The following LINGO2 variants were observed in gnomAD, a reference collection of about 807,000 sequenced individuals.
LINGO2 encodes leucine-rich repeat and immunoglobulin-like domain-containing nogo receptor-interacting protein 2.
LINGO2 carries 14 observed loss-of-function variants against 30.6 expected under a neutral mutation model. The ratio of observed to expected loss-of-function variants is 0.46; its 90% CI spans 0.30 to 0.72. The LOEUF (loss-of-function observed/expected upper bound fraction) is 0.72, where lower values mean the gene tolerates loss of function less well. Among genes scored for constraint, LINGO2 ranks in the 30% least tolerant of loss-of-function variants. The probability of loss-of-function intolerance (pLI) is 0.07; values close to 1 mark genes in which losing one functional copy is unlikely to be tolerated. For synonymous variants in LINGO2, 317 were observed against 288.5 expected (o/e 1.10, Z -1.00); for missense variants, 729 against 751.7 (o/e 0.97, Z 0.35).
At chr9:28,055,829 C>A (rs1427040351) in intron 4 of LINGO2, among the ~76,000 whole-genome samples, 2 of 152,118 alleles carry the variant, frequency 1.3e-5, no homozygotes, top group African/African-American at 4.8e-5. Context: ...AAAAAGTCTT[C>A]TTGCTTAGTC....
upstream of LINGO2, among the ~76,000 whole-genome samples, chr9:28,672,012 T>C (rs866084222): frequency 3.9e-5 from 6 of 152,154 alleles, no homozygotes; most frequent in Non-Finnish European, 7.4e-5. Flanking sequence ...TGTCTTTTGT[T>C]CGGAGGTATT....
the LINGO2 span, among the ~76,000 whole-genome samples, chr9:28,729,543 G>T: frequency 3.9e-5 from 6 of 151,938 alleles, no homozygotes; most frequent in Admixed American, 6.6e-5. Flanking sequence ...TTCATCAAAT[G>T]TCAAGAAACA....
chr9:28,577,042 G>C lies in LINGO2; in HGVS notation c.-365+93158C>G, dbSNP rs182129294. On this transcript the variant is annotated intron_variant, in intron 1 of 5. Coordinates refer to ENST00000379992, the Ensembl canonical transcript of LINGO2. ...CCAAACTGCCCCTGGTCATTCCTGGGCTTGGGCCAAGCTAACTTTGGGAGA... is the reference window on the plus strand; with the variant it reads ...CCAAACTGCCCCTGGTCATTCCTGGCCTTGGGCCAAGCTAACTTTGGGAGA... Among the ~76,000 whole-genome samples, 1,471 of 152,182 alleles carry C rather than the reference G, an allele frequency of 9.7e-3. 10 individuals are homozygous for C. The highest frequency in any genetic ancestry group is 0.013 in the Non-Finnish European group (899 of 68,018).
intron 4 of LINGO2, among the ~76,000 whole-genome samples, chr9:28,028,549 G>A (rs1823501098): frequency 6.6e-6 from 1 of 152,064 alleles, no homozygotes; most frequent in Non-Finnish European, 1.5e-5. Context: ...ATTAATGAAT[G>A]GTAGATTGAT....
chr9:28,934,831 A>G, the LINGO2 span, among the ~76,000 whole-genome samples: 2 of 152,166 alleles, frequency 1.3e-5, no homozygotes, highest in Non-Finnish European at 2.9e-5. Context: ...GGGTGATTCA[A>G]TTTCAGATTA....
rs181646877 is a variant in LINGO2 at position 28,371,818 on chromosome 9, T to C, written c.-246+1018A>G. ...CCCCAATTATTTGGAAGTAGACATA[T>C]TGGCATACACATAAGCTGAGGAATG... is the stretch of plus-strand genomic sequence containing the variant. On this transcript the variant is annotated intron_variant, in intron 3 of 5. Coordinates refer to ENST00000379992, the Ensembl canonical transcript of LINGO2. Among the ~76,000 whole-genome samples the C allele has an allele frequency of 8.5e-4, 129 of 152,290 alleles. 1 individual carries two copies. The highest frequency in any genetic ancestry group is 6.8e-3 in the Middle Eastern group (2 of 294).
chr9:28,967,636 CT>C, the LINGO2 span, among the ~76,000 whole-genome samples: 1 of 152,126 alleles, frequency 6.6e-6, no homozygotes, highest in Non-Finnish European at 1.5e-5. Flanking sequence ...TTTATTCCCC[CT>C]GGCAACAAGA....
At chr9:28,076,309 A>T (rs1199606596) in intron 4 of LINGO2, among the ~76,000 whole-genome samples, 1 of 152,010 alleles carries the variant, frequency 6.6e-6, no homozygotes, top group Non-Finnish European at 1.5e-5. Context: ...CACTAGCTCC[A>T]TTCTGTTAAT....
chr9:28,999,604 C>T, the LINGO2 span, among the ~76,000 whole-genome samples: 93 of 152,026 alleles, frequency 6.1e-4, 1 homozygote, highest in South Asian at 0.016. Flanking sequence ...TTTGTCATTT[C>T]TAGGATTGCT....
chr9:28,276,521 A>G (rs10968429), intron 4 of LINGO2, among the ~76,000 whole-genome samples: 35,458 of 152,102 alleles, frequency 0.23, 4,663 homozygotes, highest in Non-Finnish European at 0.31. Context: ...CTGATGTATC[A>G]ACAAAGTCAG....
intron 4 of LINGO2, among the ~76,000 whole-genome samples, chr9:28,218,398 C>T (rs1364149917): frequency 2.0e-5 from 3 of 151,690 alleles, no homozygotes; most frequent in African/African-American, 7.3e-5. Flanking sequence ...TGATATAACA[C>T]ACTATCTAGT....
At chr9:28,698,408 T>C in the LINGO2 span, among the ~76,000 whole-genome samples, 2 of 152,088 alleles carry the variant, frequency 1.3e-5, no homozygotes, top group African/African-American at 2.4e-5. Flanking sequence ...GTTGTATCAA[T>C]GTTTAATATT....
the LINGO2 span, among the ~76,000 whole-genome samples, chr9:28,927,159 G>A: frequency 6.6e-6 from 1 of 152,148 alleles, no homozygotes; most frequent in African/African-American, 2.4e-5. Context: ...TACTGTGCCT[G>A]GTAAATAGTG....
At chr9:28,932,165 C>CG in the LINGO2 span, among the ~76,000 whole-genome samples, 1 of 27,812 alleles carries the variant, frequency 3.6e-5, no homozygotes, top group Non-Finnish European at 8.3e-5. Context: ...AAGGCAGTGG[C>CG]GGGGGCCGGG....
At chr9:28,293,375 G>A (rs1333461559) in intron 4 of LINGO2, among the ~76,000 whole-genome samples, 1 of 152,006 alleles carries the variant, frequency 6.6e-6, no homozygotes, top group African/African-American at 2.4e-5. Context: ...TAAGATTACA[G>A]GTGTAAGCCA....
At chr9:29,125,380 A>G in the LINGO2 span, among the ~76,000 whole-genome samples, 1 of 152,120 alleles carries the variant, frequency 6.6e-6, no homozygotes, top group African/African-American at 2.4e-5. Context: ...TACCTATGGA[A>G]CAACCCTGCA....
intron 1 of LINGO2, among the ~76,000 whole-genome samples, chr9:28,518,545 G>T (rs1263685273): frequency 2.0e-5 from 3 of 152,112 alleles, no homozygotes; most frequent in African/African-American, 7.2e-5. Flanking sequence ...AGATAAAAAT[G>T]TTCATGTGAA....
At chr9:28,906,708 T>C in the LINGO2 span, among the ~76,000 whole-genome samples, 8 of 151,944 alleles carry the variant, frequency 5.3e-5, no homozygotes, top group Non-Finnish European at 1.0e-4. Flanking sequence ...ACTGTGATTC[T>C]ATTAATTTTG....
chr9:29,023,681 A>T, the LINGO2 span, among the ~76,000 whole-genome samples: 1 of 152,124 alleles, frequency 6.6e-6, no homozygotes, highest in Non-Finnish European at 1.5e-5. Flanking sequence ...ATTCATTTTA[A>T]TCAAGAAAAA....
Sources: gnomAD v4.1 joint callset for allele counts (sites outside exome capture counted in the v4.1 genomes callset) on GRCh38, gnomAD v4.1.1 for gene constraint, MANE v1.5 for transcripts, NCBI Gene and HGNC (gene_info 2026-07-23, HGNC 2026-07-21) for gene names.